SLC16A6: variants seen among roughly 807,000 people sequenced by gnomAD.
SLC16A6 encodes the protein solute carrier family 16 member 6.
SLC16A6 carries 15 observed loss-of-function variants against 33.8 expected under a neutral mutation model. That is an observed-to-expected ratio of 0.44 (90% confidence interval 0.30 to 0.68). The LOEUF is 0.68. Ranked by LOEUF, SLC16A6 falls within the 30% of genes least tolerant of loss-of-function variation. The pLI is 0.10. For missense variants in SLC16A6, 451 were observed against 661.5 expected (o/e 0.68, Z 3.49); for synonymous variants, 219 against 248.4 (o/e 0.88, Z 1.11).
intron 2 of SLC16A6, among the ~76,000 whole-genome samples, chr17:68,277,352 G>A (rs2075557000): frequency 3.3e-5 from 5 of 152,022 alleles, no homozygotes; most frequent in Admixed American, 1.3e-4. Flanking sequence ...GGCTGGTCTC[G>A]AATTCCTGAC....
At chr17:68,281,912 A>G (rs1295056607) in intron 1 of SLC16A6, among the ~76,000 whole-genome samples, 3 of 152,206 alleles carry the variant, frequency 2.0e-5, no homozygotes, top group African/African-American at 7.2e-5. Flanking sequence ...GGGACTGTAA[A>G]CTAGTTCAAC....
intron 4 of SLC16A6, among the ~76,000 whole-genome samples, chr17:68,272,084 A>G (rs1475628660): frequency 2.0e-5 from 3 of 152,132 alleles, no homozygotes; most frequent in Non-Finnish European, 2.9e-5. Flanking sequence ...TACAGGCATG[A>G]GCCACTGCAC....
intron 1 of SLC16A6, among the ~76,000 whole-genome samples, chr17:68,290,037 G>A (rs72850708): frequency 0.12 from 18,430 of 152,186 alleles, 1,514 homozygotes; most frequent in East Asian, 0.34. Context: ...TTCAGCATAA[G>A]CACTTGGCAT....
At chr17:68,274,340 C>T (rs2075441392) in intron 2 of SLC16A6, 1 of 265,604 alleles carries the variant, frequency 3.8e-6, no homozygotes, top group South Asian at 6.4e-5. Flanking sequence ...GTGGTGTGCA[C>T]CTGTAGTCCC....
intron 1 of SLC16A6, among the ~76,000 whole-genome samples, chr17:68,282,260 A>C (rs543322971): frequency 2.4e-4 from 36 of 152,166 alleles, no homozygotes; most frequent in Admixed American, 1.9e-3. Context: ...GACAAAAAAA[A>C]CAAACACCAC....
Position 68,271,584 on chromosome 17 carries a change from G to A in SLC16A6, c.576C>T (p.Asn192=). Residue 192 remains asparagine (N), a synonymous_variant, in exon 5 of 6, where the codon AAC becomes AAT. Transcript: ENST00000580666. This position sits in a 1 kb window ranked among gnomAD's most constrained non-coding sequence, Gnocchi z 5.3. ...SLLFVGLLQL[N]IVIFGALLRP... ...TGAGCAGTGCTCCGAAGATGACAAT[G>A]TTTAACTGTAGTAGGCCCACGAAGA... The A allele has an allele frequency of 1.2e-6, 2 of 1,614,212 alleles. No homozygotes were observed. Among genetic ancestry groups the A allele is most frequent in the Non-Finnish European group, 1.7e-6 (2 of 1,180,028 alleles).
chr17:68,271,619 A>G lies in SLC16A6; in HGVS notation c.541T>C (p.Tyr181His), dbSNP rs1235389722. ...MALKERIGWR[Y>H]SLLFVGLLQL... ...AGTAGGCCCACGAAGAGGAGGCTGTATCTCCAGCCAATGCGCTCCTTCAGA... is the reference window on the plus strand; with the variant it reads ...AGTAGGCCCACGAAGAGGAGGCTGTGTCTCCAGCCAATGCGCTCCTTCAGA... The change falls in exon 5 of 6, where the codon TAC becomes CAC. Residue 181 changes from tyrosine (Y) to histidine (H), a missense_variant. Physicochemically the swap from Tyr to His is moderately conservative, Grantham distance 83 (BLOSUM62 2). Around this residue, in one of 2 missense-constraint regions of SLC16A6, gnomAD observed 405 missense variants for 510.7 expected, o/e 0.79. Coordinates refer to ENST00000580666, the MANE Select transcript of SLC16A6 (RefSeq NM_004694.5). This position sits in a 1 kb window ranked among gnomAD's most constrained non-coding sequence, Gnocchi z 5.3. The G allele has an allele frequency of 7.4e-6, 12 of 1,613,664 alleles. No individual in the cohort carries two copies. The highest frequency in any genetic ancestry group is 1.0e-5 in the Non-Finnish European group (12 of 1,179,628).
At chr17:68,289,390 C>A (rs1243997765) in intron 1 of SLC16A6, among the ~76,000 whole-genome samples, 4 of 152,008 alleles carry the variant, frequency 2.6e-5, no homozygotes, top group South Asian at 2.1e-4. Context: ...AGATTTGGCC[C>A]GAGGGCATGA....
intron 1 of SLC16A6, among the ~76,000 whole-genome samples, chr17:68,283,713 A>G (rs979516087): frequency 6.7e-6 from 1 of 148,200 alleles, no homozygotes; most frequent in Non-Finnish European, 1.5e-5. Flanking sequence ...TGTCTCTACT[A>G]AAAAAAAATA....
chr17:68,268,945 T>C lies in SLC16A6; in HGVS notation c.*151A>G. The C allele has an allele frequency of 6.9e-7, 1 of 1,448,698 alleles. No homozygotes were observed. Among genetic ancestry groups the C allele is most frequent in the Non-Finnish European group, 9.3e-7 (1 of 1,079,440 alleles). 89.7% of individuals were successfully genotyped at this position (1,448,698 alleles called of 1,614,324 possible). ...ACAAAACAAAACAAAACAAAAGCGA[T>C]GTTGGTAGTGCTCTTCACATACACA... is the stretch of plus-strand genomic sequence containing the variant. On this transcript the variant is annotated 3_prime_UTR_variant, in exon 6 of 6. Transcript: ENST00000580666.
At chr17:68,289,242 G>A (rs1599572972) in intron 1 of SLC16A6, among the ~76,000 whole-genome samples, 1 of 152,126 alleles carries the variant, frequency 6.6e-6, no homozygotes, top group Admixed American at 6.6e-5. Context: ...AGGCTGCAAT[G>A]AGCAGAGATG....
At chr17:68,291,314 C>G (rs1444666944), upstream of SLC16A6, 4 of 146,982 alleles carry the variant, frequency 2.7e-5, no homozygotes, top group Admixed American at 2.7e-4. Context: ...GCCCCCCACC[C>G]CGGCCGCCTG....
In SLC16A6 at chr17:68,271,707, A is replaced by G; in HGVS notation, c.506-53T>C. 7.1e-7 allele frequency: 1 copy of G among 1,409,962 alleles called. No individual in the cohort carries two copies. The allele number at this position is 1,409,962 out of a possible 1,614,324, so 87.3% of individuals were successfully genotyped here. ...TAATATAAGGTCAATAATGGACTCA[A>G]GACCCAGGAGAAGCCATCAAGAAGA... On this transcript the variant is annotated intron_variant, in intron 4 of 5. Coordinates refer to ENST00000580666, the MANE Select transcript of SLC16A6 (RefSeq NM_004694.5). The surrounding 1 kb of genome is among the most constrained non-coding windows in gnomAD (Gnocchi z 5.3).
chr17:68,269,336 C>T lies in SLC16A6; in HGVS notation c.1332G>A (p.Val444=), dbSNP rs1555747668. Residue 444 remains valine, a synonymous_variant, in exon 6 of 6, where the codon GTG becomes GTA. Coordinates refer to ENST00000580666, the MANE Select transcript of SLC16A6 (RefSeq NM_004694.5). Reference sequence around the variant, plus strand: ...CCCTGCTGTAGATCTTACTTTGGTCCACCAACAAACCTGGAAGAGAGCATG... The same window carrying T: ...CCCTGCTGTAGATCTTACTTTGGTCTACCAACAAACCTGGAAGAGAGCATG... ...LAGPPLAGLL[V]DQSKIYSRAF... is the part of the protein sequence containing the mutation. 16 of 1,213,534 alleles carry T rather than the reference C, an allele frequency of 1.3e-5. 1 individual carries two copies. Among genetic ancestry groups the T allele is most frequent in the Middle Eastern group, 4.8e-4 (2 of 4,190 alleles). 75.2% of individuals were successfully genotyped at this position (1,213,534 alleles called of 1,614,324 possible).
intron 1 of SLC16A6, among the ~76,000 whole-genome samples, chr17:68,289,024 G>T (rs987399900): frequency 3.9e-5 from 6 of 152,124 alleles, no homozygotes; most frequent in African/African-American, 1.4e-4. Context: ...GGATTTCCTA[G>T]TAGCATGTGG....
intron 2 of SLC16A6, chr17:68,274,343 G>A: frequency 1.1e-5 from 3 of 263,264 alleles, no homozygotes; most frequent in Admixed American, 4.5e-5. Flanking sequence ...GTGTGCACCT[G>A]TAGTCCCAGC....
chr17:68,273,578 C>T (rs1325896261), intron 3 of SLC16A6, among the ~76,000 whole-genome samples: 1 of 152,158 alleles, frequency 6.6e-6, no homozygotes, highest in Non-Finnish European at 1.5e-5. Flanking sequence ...TGGCATGTTG[C>T]ACTTCCCCTA....
rs1555748819 is a variant in SLC16A6, at chr17:68,271,586, T to G, written c.574A>C (p.Asn192His). ...SLLFVGLLQL[N>H]IVIFGALLRP... ...AGCAGTGCTCCGAAGATGACAATGT[T>G]TAACTGTAGTAGGCCCACGAAGAGG... The change falls in exon 5 of 6, where the codon AAC becomes CAC. Residue 192 changes from asparagine to histidine, a missense_variant. Coordinates refer to ENST00000580666, the MANE Select transcript of SLC16A6 (RefSeq NM_004694.5). The surrounding 1 kb of genome is among the most constrained non-coding windows in gnomAD (Gnocchi z 5.3). 1.2e-6 allele frequency: 2 copies of G among 1,614,212 alleles called. No homozygotes were observed. The highest frequency in any genetic ancestry group is 4.5e-5 in the East Asian group (2 of 44,886).
rs782421181 is a variant in SLC16A6 at position 68,269,673 on chromosome 17, G to GTTTTTTTTTTTTT, written c.1322-340_1322-328dup. ...TTATTTTCACTTGAGTTCACTTTAG[G>GTTTTTTTTTTTTT]TTTTTTTTTTTTTTTTTTAGACAGA... On this transcript the variant is annotated intron_variant, in intron 5 of 5. Coordinates refer to ENST00000580666, the MANE Select transcript of SLC16A6 (RefSeq NM_004694.5). 1.2e-3 allele frequency among the ~76,000 whole-genome samples: 94 copies of GTTTTTTTTTTTTT among 77,840 alleles called. 5 individuals are homozygous for GTTTTTTTTTTTTT. The highest frequency in any genetic ancestry group is 1.8e-3 in the East Asian group (4 of 2,180). 51.1% of individuals were successfully genotyped at this position (77,840 alleles called of 152,430 possible).
Sources: allele counts gnomAD v4.1 joint callset (sites outside exome capture counted in the v4.1 genomes callset), GRCh38; gene constraint gnomAD v4.1.1; regional missense constraint gnomAD v4.1.1; non-coding constraint Gnocchi (gnomAD v3.1); transcripts MANE v1.5; gene names NCBI Gene and HGNC (gene_info 2026-07-23, HGNC 2026-07-21).